Variants in GALNT13 observed in about 807,000 individuals in gnomAD.
GALNT13 encodes UDP-GalNAc:polypeptide N-acetylgalactosaminyltransferase 13.
A neutral mutation model predicts 64.2 loss-of-function variants in GALNT13; 28 were observed. The observed-to-expected ratio is 0.44, with a 90% CI of 0.32 to 0.60. GALNT13 has a LOEUF of 0.60. Among genes scored for constraint, GALNT13 ranks in the 20% least tolerant of loss-of-function variants. GALNT13 has a pLI of 0.05. For synonymous variants in GALNT13, 214 were observed against 224.6 expected (o/e 0.95, Z 0.42); for missense variants, 577 against 669.8 (o/e 0.86, Z 1.53).
At chr2:153,909,153 C>G (rs112645051) in intron 2 of GALNT13, among the ~76,000 whole-genome samples, 1 of 151,934 alleles carries the variant, frequency 6.6e-6, no homozygotes, top group African/African-American at 2.4e-5. Flanking sequence ...TATTTTGTCA[C>G]AGTTGTGAAT....
At chr2:153,878,859 A>G (rs1359541118) in intron 1 of GALNT13, among the ~76,000 whole-genome samples, 1 of 152,194 alleles carries the variant, frequency 6.6e-6, no homozygotes, top group East Asian at 1.9e-4. Context: ...TGGGCCATCA[A>G]AGAGGAAAAG....
intron 9 of GALNT13, among the ~76,000 whole-genome samples, chr2:154,379,462 AGT>A (rs1698162687): frequency 6.6e-6 from 1 of 152,074 alleles, no homozygotes; most frequent in Non-Finnish European, 1.5e-5. Context: ...ATAATTTTAA[AGT>A]AATTAATTTT....
the GALNT13 span, among the ~76,000 whole-genome samples, chr2:153,298,294 A>G: frequency 6.6e-6 from 1 of 152,170 alleles, no homozygotes; most frequent in Non-Finnish European, 1.5e-5. Context: ...CAGATCACAC[A>G]CTCAAAGACA....
rs143425618 is a variant in GALNT13 at position 153,925,432 on chromosome 2, A to G, written c.-104-18962A>G. Among the ~76,000 whole-genome samples the G allele has an allele frequency of 4.1e-3, 613 of 150,106 alleles. 3 individuals carry two copies. Among genetic ancestry groups the G allele is most frequent in the African/African-American group, 0.014 (586 of 40,852 alleles). On this transcript the variant is annotated intron_variant, in intron 2 of 12. Coordinates refer to ENST00000392825, the MANE Select transcript of GALNT13 (RefSeq NM_052917.4). ...TCTATGTGTCTGTTCTTGTACCTGT[A>G]CCATGCTGTTTTGGTTACTTTAGCT...
the GALNT13 span, among the ~76,000 whole-genome samples, chr2:153,722,004 A>T: frequency 6.7e-6 from 1 of 148,464 alleles, no homozygotes; most frequent in Non-Finnish European, 1.5e-5. Context: ...CAGAATATAC[A>T]TTTTTTTCAG....
chr2:153,866,252 G>A, the GALNT13 span, among the ~76,000 whole-genome samples: 481 of 147,238 alleles, frequency 3.3e-3, 5 homozygotes, highest in African/African-American at 0.012. Flanking sequence ...CACGGCACAT[G>A]TATACATATG....
chr2:153,672,591 G>A, the GALNT13 span, among the ~76,000 whole-genome samples: 3 of 152,124 alleles, frequency 2.0e-5, no homozygotes, highest in Non-Finnish European at 4.4e-5. Flanking sequence ...ATGCCCACAA[G>A]AGAAAGCAGG....
At chr2:153,611,120 GA>G in the GALNT13 span, among the ~76,000 whole-genome samples, 5 of 152,118 alleles carry the variant, frequency 3.3e-5, no homozygotes, top group Non-Finnish European at 5.9e-5. Flanking sequence ...CTAACCATTT[GA>G]AAATTTAAAG....
the GALNT13 span, among the ~76,000 whole-genome samples, chr2:153,448,375 A>T: frequency 1.3e-5 from 2 of 152,086 alleles, no homozygotes; most frequent in Admixed American, 6.6e-5. Flanking sequence ...CTATTCCTCT[A>T]ACAGTTTATT....
intron 4 of GALNT13, among the ~76,000 whole-genome samples, chr2:154,151,238 T>C (rs1683997562): frequency 6.6e-6 from 1 of 152,150 alleles, no homozygotes; most frequent in Admixed American, 6.5e-5. Context: ...AGTTGAGCAG[T>C]TTTGAGTGCG....
chr2:153,412,268 G>C, the GALNT13 span, among the ~76,000 whole-genome samples: 1 of 152,128 alleles, frequency 6.6e-6, no homozygotes, highest in Admixed American at 6.5e-5. Flanking sequence ...AAAAGCTTGG[G>C]TTTTTTAATT....
intron 8 of GALNT13, among the ~76,000 whole-genome samples, chr2:154,289,915 C>T (rs527824125): frequency 1.3e-5 from 2 of 152,208 alleles, no homozygotes; most frequent in South Asian, 2.1e-4. Flanking sequence ...TCAGAATGCT[C>T]ACTTTGAGTC....
intron 3 of GALNT13, among the ~76,000 whole-genome samples, chr2:154,127,120 G>A (rs1037542148): frequency 5.9e-5 from 9 of 152,058 alleles, no homozygotes; most frequent in Admixed American, 1.3e-4. Flanking sequence ...GATGCAAGGA[G>A]AAAATATTAA....
the GALNT13 span, among the ~76,000 whole-genome samples, chr2:153,697,531 T>C: frequency 2.6e-5 from 4 of 152,192 alleles, no homozygotes; most frequent in Non-Finnish European, 4.4e-5. Flanking sequence ...ATGTGATGTG[T>C]GAATATGTAA....
At chr2:154,110,115 G>C (rs1413228954) in intron 3 of GALNT13, among the ~76,000 whole-genome samples, 1 of 151,178 alleles carries the variant, frequency 6.6e-6, no homozygotes, top group Non-Finnish European at 1.5e-5. Context: ...TTCTTTGCTG[G>C]ATGAACTGAT....
At chr2:153,727,441 A>G in the GALNT13 span, among the ~76,000 whole-genome samples, 13 of 152,130 alleles carry the variant, frequency 8.5e-5, no homozygotes, top group Non-Finnish European at 1.9e-4. Context: ...TAGTGCTTTC[A>G]TGAACGTTCA....
At chr2:153,140,103 T>G in the GALNT13 span, among the ~76,000 whole-genome samples, 1 of 152,026 alleles carries the variant, frequency 6.6e-6, no homozygotes. Context: ...ATCCATTCCT[T>G]AAGATTTGTT....
chr2:153,774,546 T>G, the GALNT13 span, among the ~76,000 whole-genome samples: 2 of 152,180 alleles, frequency 1.3e-5, no homozygotes, highest in Admixed American at 1.3e-4. Context: ...TTCCCTATAA[T>G]CCCTTTGACA....
At chr2:154,312,959 A>G (rs1236934939) in intron 9 of GALNT13, among the ~76,000 whole-genome samples, 1 of 152,090 alleles carries the variant, frequency 6.6e-6, no homozygotes, top group Non-Finnish European at 1.5e-5. Context: ...CTTGAATTGT[A>G]TCTTGAATTG....
Sources: gnomAD v4.1 joint callset for allele counts (sites outside exome capture counted in the v4.1 genomes callset) on GRCh38, gnomAD v4.1.1 for gene constraint, MANE v1.5 for transcripts, NCBI Gene and HGNC (gene_info 2026-07-23, HGNC 2026-07-21) for gene names.